The following TEP1 variants were observed in gnomAD, a reference collection of about 807,000 sequenced individuals.
TEP1 encodes telomerase protein component 1.
In TEP1, 241 loss-of-function variants were observed where a neutral mutation model predicts 306.3. The ratio of observed to expected loss-of-function variants is 0.79; its 90% CI spans 0.71 to 0.88. TEP1 has a LOEUF of 0.88. Ranked by LOEUF, TEP1 falls within the 40% of genes least tolerant of loss-of-function variation. TEP1 has a pLI of 0.00. For missense variants in TEP1, 3,051 were observed against 3,276.1 expected, an observed-to-expected ratio of 0.93 and a Z score of 1.68; for synonymous variants, 1,289 against 1,305.5, an observed-to-expected ratio of 0.99 and a Z score of 0.27.
At chr14:20,402,844 C>T (rs1878860760) in intron 7 of TEP1, among the ~76,000 whole-genome samples, 1 of 152,156 alleles carries the variant, frequency 6.6e-6, no homozygotes, top group South Asian at 2.1e-4. Context: ...TCCAACTTTA[C>T]TGACATGTCA....
intron 1 of TEP1, among the ~76,000 whole-genome samples, chr14:20,412,268 A>AT (rs1029694765): frequency 9.9e-5 from 15 of 152,190 alleles, no homozygotes; most frequent in African/African-American, 3.6e-4. Context: ...ATTGACTCAG[A>AT]TTTTTTTTAA....
At chr14:20,374,291 T>C (rs1176940579) in intron 44 of TEP1, 138 bp downstream of exon 44, 1 of 578,268 alleles carries the variant, frequency 1.7e-6, no homozygotes, top group South Asian at 2.4e-5. Flanking sequence ...ATGGGGGGTC[T>C]TCCTATGTTG....
chr14:20,382,199 C>CA, intron 29 of TEP1, 25 bp downstream of exon 29: 1 of 1,614,074 alleles, frequency 6.2e-7, no homozygotes, highest in Non-Finnish European at 8.5e-7. Context: ...CTCAGCCTCC[C>CA]AACCAACCCA....
intron 5 of TEP1, 50 bp from the exon 6 acceptor site, chr14:20,403,934 T>G: frequency 6.2e-7 from 1 of 1,610,726 alleles, no homozygotes; most frequent in Non-Finnish European, 8.5e-7. Flanking sequence ...AAACCAACCC[T>G]CCAAAACAAA....
intron 35 of TEP1, 73 bp downstream of exon 35, chr14:20,379,857 G>A (rs961840816): frequency 5.2e-6 from 8 of 1,525,524 alleles, no homozygotes; most frequent in Non-Finnish European, 7.0e-6. Context: ...GGTGTGTTTG[G>A]CTCATCTAGG....
chr14:20,376,602 A>G (rs1594327439), intron 41 of TEP1, among the ~76,000 whole-genome samples: 1 of 152,264 alleles, frequency 6.6e-6, no homozygotes, highest in East Asian at 1.9e-4. Flanking sequence ...CCACCTCGTG[A>G]CCTGTGAGGA....
Position 20,384,943 on chromosome 14 carries a change from CT to C in TEP1, c.3107+41del, listed in dbSNP as rs571076482. The C allele has an allele frequency of 9.3e-6, 15 of 1,613,730 alleles. No individual in the cohort carries two copies. In the Admixed American group the frequency reaches 2.5e-4, roughly 27 times the overall value. On this transcript the variant is annotated intron_variant, in intron 21 of 54. Transcript: ENST00000262715. The stretch of plus-strand genomic sequence containing the variant: ...AGGAGAGAAGACTGGCCTGTCTGGC[CT>C]TTTGGGGAAGGAGCCCCAGCCTGCA...
chr14:20,371,775 G>T, intron 49 of TEP1, 143 bp from the exon 50 acceptor site: 1 of 1,070,548 alleles, frequency 9.3e-7, no homozygotes, highest in Non-Finnish European at 1.3e-6. Flanking sequence ...CCACTTTCTG[G>T]TTTTTGTTTT....
Position 20,382,692 on chromosome 14 carries a change from C to CCG in TEP1, c.4069_4070dup (p.Glu1358GlyfsTer16). 1 of 1,614,064 alleles carries CCG rather than the reference C, an allele frequency of 6.2e-7. No homozygotes were observed. Among genetic ancestry groups the CCG allele is most frequent in the Non-Finnish European group, 8.5e-7 (1 of 1,180,004 alleles). ...GCAGGTAGAGCGGCCGGCCTGATTC[C>CCG]CGCTTCACCAGCAGCAGTCGCATCT... On this transcript the variant is annotated frameshift_variant, in exon 28 of 55. Transcript: ENST00000262715. LOFTEE classifies it high-confidence loss of function.
chr14:20,368,762 A>ATG (rs1566434368), intron 54 of TEP1, 36 bp downstream of exon 54: 4 of 1,448,196 alleles, frequency 2.8e-6, no homozygotes, highest in Non-Finnish European at 3.8e-6. Context: ...GTGCAGGCGC[A>ATG]CGCACACACA....
At position 20,386,437 on chromosome 14, in the gene TEP1, G is replaced by GC. The variant is rs768942988; in HGVS notation, c.2861+9dup. ...CCCGACCCAGCCCCTCTTCTCTGCA[G>GC]CCCCCACACCTGTTCCTACGGGTCT... On this transcript the variant is annotated intron_variant, in intron 19 of 54. Transcript: ENST00000262715. 5.0e-5 allele frequency: 79 copies of GC among 1,590,068 alleles called. No homozygotes were observed. The highest frequency in any genetic ancestry group is 1.1e-5 in the Non-Finnish European group (13 of 1,166,624).
intron 12 of TEP1, among the ~76,000 whole-genome samples, chr14:20,392,694 A>T (rs1877821764): frequency 6.6e-6 from 1 of 152,224 alleles, no homozygotes; most frequent in Non-Finnish European, 1.5e-5. Flanking sequence ...CTGTGAAATG[A>T]TATTTTTAAA....
chr14:20,407,110 T>A (rs1713440), intron 2 of TEP1, among the ~76,000 whole-genome samples: 73,563 of 152,126 alleles, frequency 0.48, 20,176 homozygotes, highest in African/African-American at 0.75. Context: ...ATGTGTGTCT[T>A]TCTAGTGATT....
chr14:20,406,572 C>G (rs149539721), intron 2 of TEP1, among the ~76,000 whole-genome samples, 172 bp from the exon 3 acceptor site: 1 of 152,200 alleles, frequency 6.6e-6, no homozygotes. Context: ...TGACTTACTG[C>G]TCTCACACAC....
chr14:20,368,246 C>G lies in TEP1; in HGVS notation c.*191G>C, dbSNP rs371654810. The G allele has an allele frequency of 1.9e-4, 101 of 538,776 alleles. 1 individual carries two copies. Among genetic ancestry groups the G allele is most frequent in the Admixed American group, 7.3e-4 (23 of 31,606 alleles). 33.4% of individuals were successfully genotyped at this position (538,776 alleles called of 1,614,324 possible). ...AGACACACATTAGAATGTACATATA[C>G]ATACACATAGAATATCCTCCTGTTC... On this transcript the variant is annotated 3_prime_UTR_variant, in exon 55 of 55. Transcript: ENST00000262715.
In TEP1 at chr14:20,391,499, G is replaced by A. The variant is rs1489353255; in HGVS notation, c.2097+100C>T. The A allele has an allele frequency of 3.0e-6, 4 of 1,331,234 alleles. No homozygotes were observed. In the African/African-American group the frequency reaches 4.4e-5, roughly 15 times the overall value. 82.5% of individuals were successfully genotyped at this position (1,331,234 alleles called of 1,614,324 possible). Reference sequence around the variant, plus strand: ...ATTCATATCATTTATTTCAGTCTGAGTGTTTGCCTGGGAAAACCAGCTCTG... The same window carrying A: ...ATTCATATCATTTATTTCAGTCTGAATGTTTGCCTGGGAAAACCAGCTCTG... On this transcript the variant is annotated intron_variant, in intron 13 of 54. Transcript: ENST00000262715.
rs1033648888 is a variant in TEP1 at position 20,366,238 on chromosome 14, C to A, written c.*2199G>T. 6.6e-6 allele frequency: 1 copy of A among 152,320 alleles called. No individual in the cohort carries two copies. The highest frequency in any genetic ancestry group is 6.5e-5 in the Admixed American group (1 of 15,302). 9.4% of individuals were successfully genotyped at this position (152,320 alleles called of 1,614,324 possible). A position where few individuals can be genotyped will look rare whatever the true frequency, so the allele number is the denominator to read the frequency against. ...TAGCCTTTGCTTAACTTTCCCCAAC[C>A]CCTTCACTCCAGCCTTAGCTGGGAT... On this transcript the variant is annotated 3_prime_UTR_variant, in exon 55 of 55. Coordinates refer to ENST00000262715, the MANE Select transcript of TEP1 (RefSeq NM_007110.5).
chr14:20,371,509 C>A lies in TEP1; in HGVS notation c.7200G>T (p.Gly2400=). The part of the protein sequence containing the change: ...ADLKLLCMKP[G]DAPSEIWSSY... The stretch of plus-strand genomic sequence containing the variant: ...CTTACCAGATTTCAGATGGAGCATC[C>A]CCTGGCTTCATGCAAAGTAACTTCA... Residue 2400 remains glycine, a synonymous_variant, in exon 50 of 55, where the codon GGG becomes GGT. Transcript: ENST00000262715. 2 of 1,608,668 alleles carry A rather than the reference C, an allele frequency of 1.2e-6. No individual in the cohort carries two copies. The highest frequency in any genetic ancestry group is 1.7e-6 in the Non-Finnish European group (2 of 1,178,978).
rs939053924 is a variant in TEP1, at chr14:20,379,967, T to C, written c.5090A>G (p.Asn1697Ser). 6 of 1,613,878 alleles carry C rather than the reference T, an allele frequency of 3.7e-6. No homozygotes were observed. The highest frequency in any genetic ancestry group is 1.6e-4 in the Middle Eastern group (1 of 6,080). The change falls in exon 35 of 55, where the codon AAT becomes AGT. Residue 1697 changes from asparagine to serine, a missense_variant. Coordinates refer to ENST00000262715, the MANE Select transcript of TEP1 (RefSeq NM_007110.5). ...NGQRAAVGTA[N>S]GTVYLLDLRT... ...CAGGTCCAACAGGTAAACTGTCCCA[T>C]TGGCAGTGCCCACAGCTGCTCTTTG...
Sources: gnomAD v4.1 joint callset for allele counts (sites outside exome capture counted in the v4.1 genomes callset) on GRCh38, gnomAD v4.1.1 for gene constraint, MANE v1.5 for transcripts, NCBI Gene and HGNC (gene_info 2026-07-23, HGNC 2026-07-21) for gene names.